Variants in FUT9 observed in about 807,000 individuals in gnomAD.
The protein encoded by FUT9 is 4-galactosyl-N-acetylglucosaminide 3-alpha-L-fucosyltransferase 9.
Under a neutral mutation model 29.7 loss-of-function variants are expected in FUT9, and 15 were observed. That is an observed-to-expected ratio of 0.51 (90% CI 0.34 to 0.78). The LOEUF is 0.78. FUT9 is among the 30% of genes least tolerant of loss of function. The pLI, the probability that FUT9 is intolerant of heterozygous loss-of-function variation, is 0.01. For missense variants in FUT9, 319 were observed against 425.4 expected, an observed-to-expected ratio of 0.75 and a Z score of 2.20; for synonymous variants, 169 against 153.7, an observed-to-expected ratio of 1.10 and a Z score of -0.74.
intron 1 of FUT9, among the ~76,000 whole-genome samples, chr6:96,089,365 C>G (rs1299221989): frequency 6.6e-6 from 1 of 152,168 alleles, no homozygotes; most frequent in Non-Finnish European, 1.5e-5. Flanking sequence ...TCAGGCTCCA[C>G]CTGGTGTCCC....
At chr6:96,018,757 C>T (rs1770021680) in intron 1 of FUT9, among the ~76,000 whole-genome samples, 1 of 151,814 alleles carries the variant, frequency 6.6e-6, no homozygotes, top group South Asian at 2.1e-4. Context: ...CCATGTGAAA[C>T]CATGTTTTGC....
intron 2 of FUT9, among the ~76,000 whole-genome samples, chr6:96,120,340 G>T (rs551261904): frequency 7.0e-6 from 1 of 142,470 alleles, no homozygotes; most frequent in Non-Finnish European, 1.5e-5. Flanking sequence ...GTGCGATCTC[G>T]GCCCAATGCA....
chr6:96,176,044 C>T (rs143828869), intron 2 of FUT9, among the ~76,000 whole-genome samples: 1 of 152,358 alleles, frequency 6.6e-6, no homozygotes, highest in Non-Finnish European at 1.5e-5. Flanking sequence ...CATTCAGCTT[C>T]TCCTGCTTTT....
chr6:96,113,945 T>TATTTCTTTTGG (rs1293212706), intron 1 of FUT9, 94 bp from the exon 2 acceptor site: 1 of 152,150 alleles, frequency 6.6e-6, no homozygotes, highest in Non-Finnish European at 1.5e-5. Context: ...TAGCATGCAT[T>TATTTCTTTTGG]ATTTCTTTTG....
intron 2 of FUT9, among the ~76,000 whole-genome samples, chr6:96,139,860 A>G (rs368906577): frequency 6.6e-6 from 1 of 151,888 alleles, no homozygotes; most frequent in African/African-American, 2.4e-5. Context: ...CTGTGATTGG[A>G]GGGGGGCTGC....
intron 2 of FUT9, among the ~76,000 whole-genome samples, chr6:96,159,487 A>G (rs965885321): frequency 2.0e-5 from 3 of 152,202 alleles, no homozygotes; most frequent in African/African-American, 7.2e-5. Flanking sequence ...ATGTATTGGT[A>G]GACCTAGATG....
chr6:96,157,238 C>T (rs553319739), intron 2 of FUT9, among the ~76,000 whole-genome samples: 5 of 152,132 alleles, frequency 3.3e-5, no homozygotes, highest in African/African-American at 7.2e-5. Flanking sequence ...AATTATGAAA[C>T]GAGTGTGACA....
At chr6:96,177,047 C>G (rs4448099) in intron 2 of FUT9, among the ~76,000 whole-genome samples, 138,735 of 152,122 alleles carry the variant, frequency 0.91, 64,629 homozygotes, top group Non-Finnish European at 1. Context: ...ACTGTTGGCT[C>G]TTCCCATGGT....
chr6:96,017,668 A>G (rs1770002705), intron 1 of FUT9, among the ~76,000 whole-genome samples: 1 of 152,194 alleles, frequency 6.6e-6, no homozygotes, highest in Non-Finnish European at 1.5e-5. Context: ...AGCAATACGG[A>G]TAAGAATATC....
Position 96,097,492 on chromosome 6 carries a change from T to A in FUT9, c.-97-16547T>A, listed in dbSNP as rs570765617. Among the ~76,000 whole-genome samples the A allele has an allele frequency of 4.6e-5, 7 of 152,126 alleles. No individual in the cohort carries two copies. The South Asian group carries it at 1.4e-3, about 32-fold the overall frequency. ...ATAGTTAAAAATATATATATTGTTG[T>A]ATGAGTGAATGAATTCATGAGTAAA... is the stretch of plus-strand genomic sequence containing the variant. On this transcript the variant is annotated intron_variant, in intron 1 of 2. Transcript: ENST00000302103.
chr6:96,147,030 C>A (rs1477593524), intron 2 of FUT9, among the ~76,000 whole-genome samples: 1 of 152,120 alleles, frequency 6.6e-6, no homozygotes, highest in Non-Finnish European at 1.5e-5. Flanking sequence ...ATTTAACAGG[C>A]CAAGAGTAAC....
Position 96,125,419 on chromosome 6 carries a change from G to A in FUT9, c.-9+11292G>A, listed in dbSNP as rs187964416. 7.5e-4 allele frequency among the ~76,000 whole-genome samples: 114 copies of A among 152,280 alleles called. 1 individual carries two copies. The highest frequency in any genetic ancestry group is 1.0e-3 in the Non-Finnish European group (70 of 68,008). On this transcript the variant is annotated intron_variant, in intron 2 of 2. Transcript: ENST00000302103. ...CATTGTGGCAATGGCAAATTGAAAT[G>A]TGATATTGATTACAGAAGTACTTAA...
chr6:96,067,115 A>T (rs1243101373), intron 1 of FUT9, among the ~76,000 whole-genome samples: 2 of 150,812 alleles, frequency 1.3e-5, no homozygotes, highest in Non-Finnish European at 3.0e-5. Flanking sequence ...CCTAGCTTAA[A>T]GGATATTGAT....
At chr6:96,192,897 TG>T (rs1773540641) in intron 2 of FUT9, among the ~76,000 whole-genome samples, 2 of 151,368 alleles carry the variant, frequency 1.3e-5, no homozygotes, top group Non-Finnish European at 2.9e-5. Context: ...GAAATAATGC[TG>T]CATATCTACA....
chr6:96,135,277 A>G (rs1772326202), intron 2 of FUT9, among the ~76,000 whole-genome samples: 1 of 151,978 alleles, frequency 6.6e-6, no homozygotes, highest in Admixed American at 6.6e-5. Context: ...TACATGAGGG[A>G]CATTTGGTTC....
At chr6:96,203,014 C>A in intron 2 of FUT9, 134 bp from the exon 3 acceptor site, 1 of 664,148 alleles carries the variant, frequency 1.5e-6, no homozygotes, top group South Asian at 2.6e-5. Context: ...GGTTTGATAA[C>A]ACTGAAAAGG....
In FUT9 at chr6:96,210,150, T is replaced by A. The variant is rs1482406455; in HGVS notation, c.*5915T>A. On this transcript the variant is annotated 3_prime_UTR_variant, in exon 3 of 3. Coordinates refer to ENST00000302103, the MANE Select transcript of FUT9 (RefSeq NM_006581.4). ...TGGTGTCCTGCTAGTTTTGAGGTTT[T>A]CATCCCACCTGTTTAGATGGGTAGT... 6.0e-6 allele frequency: 1 copy of A among 166,958 alleles called. No individual in the cohort carries two copies. The highest frequency in any genetic ancestry group is 1.5e-5 in the Non-Finnish European group (1 of 68,054). 10.3% of individuals were successfully genotyped at this position (166,958 alleles called of 1,614,324 possible).
At chr6:96,041,493 A>G (rs1045006872) in intron 1 of FUT9, among the ~76,000 whole-genome samples, 3 of 152,174 alleles carry the variant, frequency 2.0e-5, no homozygotes, top group Admixed American at 6.5e-5. Flanking sequence ...TTTCCTTCCA[A>G]CATCCCATTT....
At chr6:96,049,755 C>G (rs751782645) in intron 1 of FUT9, among the ~76,000 whole-genome samples, 8 of 152,062 alleles carry the variant, frequency 5.3e-5, no homozygotes, top group Non-Finnish European at 8.8e-5. Flanking sequence ...GTGTTTTGAG[C>G]ATCTCTGTTA....
Sources: gnomAD v4.1 joint callset for allele counts (sites outside exome capture counted in the v4.1 genomes callset) on GRCh38, gnomAD v4.1.1 for gene constraint, MANE v1.5 for transcripts, NCBI Gene and HGNC (gene_info 2026-07-23, HGNC 2026-07-21) for gene names.